Variants in PTPRD observed in about 807,000 individuals in gnomAD.
The protein encoded by PTPRD is protein tyrosine phosphatase receptor type D, also known as receptor-type tyrosine-protein phosphatase delta.
In PTPRD, 34 loss-of-function variants were observed where a neutral mutation model predicts 214.5. The ratio of observed to expected loss-of-function variants is 0.16; its 90% CI spans 0.12 to 0.21. The LOEUF (loss-of-function observed/expected upper bound fraction) is 0.21, where lower values mean the gene tolerates loss of function less well. Among genes scored for constraint, PTPRD ranks in the 10% least tolerant of loss-of-function variants. The pLI, the probability that PTPRD is intolerant of heterozygous loss-of-function variation, is 1.00. For synonymous variants in PTPRD, 1,128 were observed against 845.7 expected, an observed-to-expected ratio of 1.33 and a Z score of -5.79; for missense variants, 2,545 against 2,398.7, an observed-to-expected ratio of 1.06 and a Z score of -1.27.
At chr9:8,634,899 C>A (rs1403543167) in intron 13 of PTPRD, among the ~76,000 whole-genome samples, 1 of 151,548 alleles carries the variant, frequency 6.6e-6, no homozygotes, top group Non-Finnish European at 1.5e-5. Context: ...GATGTAATTT[C>A]CAGTTTGAAA....
At position 10,255,524 on chromosome 9, in the gene PTPRD, C is replaced by A. The variant is rs534920156; in HGVS notation, c.-545+85439G>T. The stretch of plus-strand genomic sequence containing the variant: ...GGAGGCTATAGGACTGGAAGTTGAT[C>A]TAGGTGAGAGGTGCGCGAATATAAA... On this transcript the variant is annotated intron_variant, in intron 3 of 45. Transcript: ENST00000381196. Among the ~76,000 whole-genome samples, 5 of 152,232 alleles carry A rather than the reference C, an allele frequency of 3.3e-5. No homozygotes were observed. The South Asian group carries it at 8.3e-4, about 25-fold the overall frequency.
chr9:9,582,861 A>G (rs893285479), intron 7 of PTPRD, among the ~76,000 whole-genome samples: 4 of 152,074 alleles, frequency 2.6e-5, no homozygotes, highest in Admixed American at 2.6e-4. Flanking sequence ...CCATTGTCTA[A>G]AACCTACTGG....
chr9:9,066,771 G>A (rs1004734294), intron 10 of PTPRD, among the ~76,000 whole-genome samples: 3 of 152,182 alleles, frequency 2.0e-5, no homozygotes, highest in Admixed American at 6.5e-5. Flanking sequence ...ATCCAAAGCT[G>A]GAAGATAAAC....
chr9:9,917,494 C>T (rs1236088518), intron 5 of PTPRD, among the ~76,000 whole-genome samples: 1 of 146,042 alleles, frequency 6.8e-6, no homozygotes, highest in Non-Finnish European at 1.5e-5. Flanking sequence ...ATGTCTTTAC[C>T]ACTGAATTCT....
At chr9:10,083,135 C>A (rs758766270) in intron 3 of PTPRD, among the ~76,000 whole-genome samples, 6 of 151,962 alleles carry the variant, frequency 3.9e-5, no homozygotes, top group South Asian at 4.1e-4. Flanking sequence ...ATAAAATATA[C>A]CCTATCCTTA....
intron 8 of PTPRD, among the ~76,000 whole-genome samples, chr9:9,511,780 T>C (rs760758535): frequency 1.1e-4 from 16 of 151,758 alleles, no homozygotes; most frequent in Non-Finnish European, 1.6e-4. Context: ...CAAAGATCTC[T>C]TTTATTATTT....
At chr9:8,692,705 T>A (rs1424120237) in intron 12 of PTPRD, among the ~76,000 whole-genome samples, 1 of 152,192 alleles carries the variant, frequency 6.6e-6, no homozygotes, top group African/African-American at 2.4e-5. Flanking sequence ...TGTGTAATGA[T>A]ATGGCACACT....
chr9:9,703,344 T>C (rs1203854731), intron 7 of PTPRD, among the ~76,000 whole-genome samples: 1 of 152,130 alleles, frequency 6.6e-6, no homozygotes, highest in African/African-American at 2.4e-5. Context: ...AGTGTGAAAA[T>C]GGACTAATAC....
At chr9:10,269,524 G>C (rs1321211180) in intron 3 of PTPRD, among the ~76,000 whole-genome samples, 1 of 152,090 alleles carries the variant, frequency 6.6e-6, no homozygotes, top group East Asian at 1.9e-4. Context: ...TGATTTCTAA[G>C]AAAAGAGAGG....
rs149819732 is a variant in PTPRD at position 8,925,857 on chromosome 9, T to C, written c.-104+92840A>G. Among the ~76,000 whole-genome samples, 713 of 102,838 alleles carry C rather than the reference T, an allele frequency of 6.9e-3. 7 individuals carry two copies. The highest frequency in any genetic ancestry group is 0.029 in the African/African-American group (688 of 23,852). The allele number at this position is 102,838 out of a possible 152,430, so 67.5% of individuals were successfully genotyped here. On this transcript the variant is annotated intron_variant, in intron 11 of 45. Coordinates refer to ENST00000381196, the MANE Select transcript of PTPRD (RefSeq NM_002839.4). Reference sequence around the variant, plus strand: ...CAATTTGTCAGCTGGACTATTGCAATATTTTTTTTTTTTTTTTTTTACTGA... The same window carrying C: ...CAATTTGTCAGCTGGACTATTGCAACATTTTTTTTTTTTTTTTTTTACTGA...
At chr9:9,487,271 T>G (rs2147429348) in intron 8 of PTPRD, among the ~76,000 whole-genome samples, 1 of 151,906 alleles carries the variant, frequency 6.6e-6, no homozygotes, top group South Asian at 2.1e-4. Flanking sequence ...CCAAGTGTTC[T>G]CATTGTTCAA....
intron 3 of PTPRD, among the ~76,000 whole-genome samples, chr9:10,061,687 G>GA (rs2097779821): frequency 6.6e-6 from 1 of 152,038 alleles, no homozygotes; most frequent in African/African-American, 2.4e-5. Context: ...GCCAGAAAGG[G>GA]AAAAATGAAA....
At chr9:10,228,169 G>A (rs539298027) in intron 3 of PTPRD, among the ~76,000 whole-genome samples, 1 of 151,988 alleles carries the variant, frequency 6.6e-6, no homozygotes, top group Middle Eastern at 3.4e-3. Context: ...TAAAATCTTG[G>A]AACACAACTC....
At chr9:8,551,100 T>C (rs1357862615) in intron 14 of PTPRD, among the ~76,000 whole-genome samples, 1 of 152,228 alleles carries the variant, frequency 6.6e-6, no homozygotes, top group Admixed American at 6.5e-5. Context: ...TTTTGCTCAA[T>C]AGCTATTTTA....
At chr9:9,247,417 C>T (rs1415898999) in intron 9 of PTPRD, among the ~76,000 whole-genome samples, 1 of 152,050 alleles carries the variant, frequency 6.6e-6, no homozygotes, top group African/African-American at 2.4e-5. Context: ...TCTGAAGGCT[C>T]CCACATCCCA....
intron 8 of PTPRD, among the ~76,000 whole-genome samples, chr9:9,501,147 T>G (rs536541883): frequency 5.9e-5 from 9 of 151,974 alleles, no homozygotes; most frequent in Non-Finnish European, 8.8e-5. Context: ...AACTTAAATA[T>G]AATAATATGA....
chr9:8,827,987 T>C (rs2097209161), intron 11 of PTPRD, among the ~76,000 whole-genome samples: 1 of 152,182 alleles, frequency 6.6e-6, no homozygotes, highest in Admixed American at 6.5e-5. Context: ...GATAATAATA[T>C]ATTCAATACT....
intron 2 of PTPRD, among the ~76,000 whole-genome samples, chr9:10,565,593 A>G (rs1039671283): frequency 2.0e-5 from 3 of 152,022 alleles, no homozygotes; most frequent in Admixed American, 1.3e-4. Flanking sequence ...ATAAATTTTT[A>G]AACACACACA....
chr9:10,282,555 T>TTA (rs1165586213), intron 3 of PTPRD, among the ~76,000 whole-genome samples: 1 of 152,140 alleles, frequency 6.6e-6, no homozygotes, highest in Admixed American at 6.5e-5. Context: ...GATATTAAGA[T>TTA]TATGTAGCAG....
Sources: allele counts gnomAD v4.1 joint callset (sites outside exome capture counted in the v4.1 genomes callset), GRCh38; gene constraint gnomAD v4.1.1; transcripts MANE v1.5; gene names NCBI Gene and HGNC (gene_info 2026-07-23, HGNC 2026-07-21).